SETD9: variants seen among roughly 807,000 people sequenced by gnomAD.
The protein encoded by SETD9 is SET domain-containing protein 9.
In SETD9, 37 loss-of-function variants were observed where a neutral mutation model predicts 36.4. That is an observed-to-expected ratio of 1.02 (90% CI 0.78 to 1.34). The LOEUF (loss-of-function observed/expected upper bound fraction) is 1.34, where lower values mean the gene tolerates loss of function less well. Ranked by LOEUF, SETD9 falls within the 40% of genes most tolerant of loss-of-function variation. The pLI is 0.00. For missense variants in SETD9, 323 were observed against 353.2 expected (o/e 0.91, Z 0.69); for synonymous variants, 128 against 132.9 (o/e 0.96, Z 0.26).
At chr5:56,909,825 AG>A in intron 1 of SETD9, 82 bp downstream of exon 1, 1 of 1,249,372 alleles carries the variant, frequency 8.0e-7, no homozygotes, top group South Asian at 1.3e-5. Flanking sequence ...CAAAGCGGAG[AG>A]CCTGAGGCTG....
downstream of SETD9, among the ~76,000 whole-genome samples, chr5:56,918,698 GGA>G (rs1203067183): frequency 6.9e-3 from 1,050 of 152,288 alleles, 11 homozygotes; most frequent in African/African-American, 0.024. Context: ...GACAAGGAAG[GGA>G]TGTGGTTTTA....
At chr5:56,918,312 C>T (rs1458792866), downstream of SETD9, among the ~76,000 whole-genome samples, 2 of 152,172 alleles carry the variant, frequency 1.3e-5, no homozygotes, top group African/African-American at 4.8e-5. Context: ...CCCCAGACAG[C>T]CACATAGCTT....
chr5:56,924,716 C>T (rs1473488522), intron 5 of SETD9, among the ~76,000 whole-genome samples: 1 of 152,152 alleles, frequency 6.6e-6, no homozygotes, highest in Non-Finnish European at 1.5e-5. Context: ...CACACCCAAA[C>T]CAGGGTTCCT....
At chr5:56,916,475 T>C (rs1488103550) in intron 5 of SETD9, among the ~76,000 whole-genome samples, 2 of 152,244 alleles carry the variant, frequency 1.3e-5, no homozygotes, top group African/African-American at 4.8e-5. Flanking sequence ...GTTTTCATTT[T>C]TCAGGATATA....
At chr5:56,928,720 C>A (rs760078147), downstream of SETD9, 8 of 1,343,398 alleles carry the variant, frequency 6.0e-6, no homozygotes, top group Admixed American at 1.6e-4. Context: ...TAGTTGCTTA[C>A]ATTCACTGTA....
In SETD9 at chr5:56,924,031, C is replaced by T. The variant is rs755649158; in HGVS notation, c.813-1302C>T. On this transcript the variant is annotated intron_variant, in intron 5 of 5. Transcript: ENST00000628593. ...AGAATGCTACACACTCAGCAACTGT[C>T]CTAGTTCTCACCTAATGAAAAAGTT... is the stretch of plus-strand genomic sequence containing the variant. 1.6e-5 allele frequency: 25 copies of T among 1,606,174 alleles called. No homozygotes were observed. The Admixed American group carries it at 3.3e-4, about 21-fold the overall frequency.
At chr5:56,914,317 G>T (rs1326019116) in intron 4 of SETD9, among the ~76,000 whole-genome samples, 1 of 152,040 alleles carries the variant, frequency 6.6e-6, no homozygotes. Flanking sequence ...ATAGATTAAT[G>T]GCTAGACTAG....
In SETD9 at chr5:56,911,538, T is replaced by C; in HGVS notation, c.466+2T>C. The C allele has an allele frequency of 6.5e-7, 1 of 1,537,616 alleles. No homozygotes were observed. The highest frequency in any genetic ancestry group is 8.7e-7 in the Non-Finnish European group (1 of 1,149,062). ...GCGCAGTCGTATCTATGTATCCTGGTAACAGCACGATTAATATTATACTTT... is the reference window on the plus strand; with the variant it reads ...GCGCAGTCGTATCTATGTATCCTGGCAACAGCACGATTAATATTATACTTT... On this transcript the variant is annotated splice_donor_variant, in intron 2 of 5. Coordinates refer to ENST00000285947, the MANE Select transcript of SETD9 (RefSeq NM_153706.4). LOFTEE classifies it high-confidence loss of function.
intron 1 of SETD9, chr5:56,910,495 A>G (rs1749062800): frequency 9.8e-7 from 1 of 1,025,468 alleles, no homozygotes; most frequent in African/African-American, 1.7e-5. Context: ...TGTCCGACAA[A>G]TAGGGAAACA....
chr5:56,909,606 C>A lies in SETD9; in HGVS notation c.-40C>A. Reference sequence around the variant, plus strand: ...GGGCGGGCCCGAGGCCTCGATCCGCCTTCCCCGCGCCGTCCTGGTCACGGC... The same window carrying A: ...GGGCGGGCCCGAGGCCTCGATCCGCATTCCCCGCGCCGTCCTGGTCACGGC... On this transcript the variant is annotated 5_prime_UTR_variant, in exon 1 of 6. Coordinates refer to ENST00000285947, the MANE Select transcript of SETD9 (RefSeq NM_153706.4). The A allele has an allele frequency of 6.5e-7, 1 of 1,543,556 alleles. No homozygotes were observed. The highest frequency in any genetic ancestry group is 8.8e-7 in the Non-Finnish European group (1 of 1,141,332).
chr5:56,911,520 C>T lies in SETD9; in HGVS notation c.450C>T (p.Val150=). 1 of 1,569,988 alleles carries T rather than the reference C, an allele frequency of 6.4e-7. No individual in the cohort carries two copies. The highest frequency in any genetic ancestry group is 8.6e-7 in the Non-Finnish European group (1 of 1,162,976). The change falls in exon 2 of 6, where the codon GTC becomes GTT. Residue 150 remains valine (V), a synonymous_variant. Transcript: ENST00000285947. ...AAGGATTGGTACCAAAAGGCGCAGT[C>T]GTATCTATGTATCCTGGTAACAGCA... ...VTKGLVPKGA[V]VSMYPGTVYQ...
intron 2 of SETD9, 106 bp from the exon 3 acceptor site, chr5:56,912,905 G>C: frequency 8.0e-7 from 1 of 1,251,600 alleles, no homozygotes; most frequent in Admixed American, 2.0e-5. Context: ...TTAAGAGGGA[G>C]AAAGTAACTA....
intron 1 of SETD9, chr5:56,910,029 C>G: frequency 4.5e-6 from 6 of 1,347,076 alleles, no homozygotes; most frequent in Non-Finnish European, 5.7e-6. Flanking sequence ...CCTATGGCCT[C>G]TTTCCCAGTG....
chr5:56,927,229 A>C (rs992636376), downstream of SETD9, among the ~76,000 whole-genome samples: 2 of 152,166 alleles, frequency 1.3e-5, no homozygotes, highest in Admixed American at 1.3e-4. Flanking sequence ...AGCGAACCTT[A>C]ATGTAAACTA....
Position 56,916,951 on chromosome 5 carries a change from A to C in SETD9, c.*49A>C. Reference sequence around the variant, plus strand: ...GTTTTCTACTCAGCTATTAATTCTAAGTGTTTTTTGTTAATCACTTCTCTG... The same window carrying C: ...GTTTTCTACTCAGCTATTAATTCTACGTGTTTTTTGTTAATCACTTCTCTG... On this transcript the variant is annotated 3_prime_UTR_variant, in exon 6 of 6. Coordinates refer to ENST00000285947, the MANE Select transcript of SETD9 (RefSeq NM_153706.4). The C allele has an allele frequency of 6.5e-7, 1 of 1,544,490 alleles. No individual in the cohort carries two copies. Among genetic ancestry groups the C allele is most frequent in the Non-Finnish European group, 8.7e-7 (1 of 1,153,162 alleles).
chr5:56,913,254 A>T (rs934099493), intron 3 of SETD9, 120 bp downstream of exon 3: 1 of 1,215,864 alleles, frequency 8.2e-7, no homozygotes, highest in African/African-American at 1.6e-5. Context: ...GGGTCTTGCT[A>T]TGTTGTCCAG....
rs775071949 is a variant in SETD9, at chr5:56,909,622, T to A, written c.-24T>A. On this transcript the variant is annotated 5_prime_UTR_variant, in exon 1 of 6. Transcript: ENST00000285947. ...TCGATCCGCCTTCCCCGCGCCGTCC[T>A]GGTCACGGCCCCGCGGGGCAGCCAT... 11 of 1,585,410 alleles carry A rather than the reference T, an allele frequency of 6.9e-6. No homozygotes were observed. The highest frequency in any genetic ancestry group is 9.4e-6 in the Non-Finnish European group (11 of 1,166,668).
Position 56,914,932 on chromosome 5 carries a change from C to A in SETD9, c.778C>A (p.Leu260Ile). 1.3e-6 allele frequency: 2 copies of A among 1,596,722 alleles called. No individual in the cohort carries two copies. The highest frequency in any genetic ancestry group is 1.7e-6 in the Non-Finnish European group (2 of 1,168,302). Residue 260 changes from leucine (L) to isoleucine (I), a missense_variant, in exon 5 of 6, where the codon CTT becomes ATT. Leu to Ile is a conservative substitution (Grantham distance 5). Transcript: ENST00000285947. ...AVFPIELKQY[L>I]PNIAYSYDKQ... Reference sequence around the variant, plus strand: ...TTTCCCTATAGAACTGAAGCAGTATCTTCCAAACATTGCCTACAGCTATGA... The same window carrying A: ...TTTCCCTATAGAACTGAAGCAGTATATTCCAAACATTGCCTACAGCTATGA...
chr5:56,915,859 G>A (rs549532153), intron 5 of SETD9, among the ~76,000 whole-genome samples: 51 of 152,238 alleles, frequency 3.4e-4, no homozygotes, highest in African/African-American at 1.2e-3. Flanking sequence ...AGCTACTTGG[G>A]AAGCTGAGGT....
Sources: allele counts gnomAD v4.1 joint callset (sites outside exome capture counted in the v4.1 genomes callset), GRCh38; gene constraint gnomAD v4.1.1; transcripts MANE v1.5; gene names NCBI Gene and HGNC (gene_info 2026-07-23, HGNC 2026-07-21).